ROBO1: variants seen among roughly 807,000 people sequenced by gnomAD.
The protein encoded by ROBO1 is roundabout homolog 1.
Under a neutral mutation model 195.9 loss-of-function variants are expected in ROBO1, and 149 were observed. The ratio of observed to expected loss-of-function variants is 0.76; its 90% CI spans 0.67 to 0.87. ROBO1 has a LOEUF of 0.87. Ranked by LOEUF, ROBO1 falls within the 40% of genes least tolerant of loss-of-function variation. The probability of loss-of-function intolerance (pLI) is 0.00; values close to 1 mark genes in which losing one functional copy is unlikely to be tolerated. For synonymous variants in ROBO1, 816 were observed against 733.2 expected, an observed-to-expected ratio of 1.11 and a Z score of -1.82; for missense variants, 1,933 against 2,068.3, an observed-to-expected ratio of 0.93 and a Z score of 1.27.
chr3:79,514,854 GA>G (rs1298069322), intron 2 of ROBO1, among the ~76,000 whole-genome samples: 6 of 152,058 alleles, frequency 3.9e-5, no homozygotes, highest in African/African-American at 7.2e-5. Flanking sequence ...GGAATCTAAG[GA>G]AACATGCTTT....
At chr3:78,844,631 T>A (rs192735107) in intron 4 of ROBO1, among the ~76,000 whole-genome samples, 190 of 152,204 alleles carry the variant, frequency 1.2e-3, no homozygotes, top group African/African-American at 4.3e-3. Flanking sequence ...TTCTCCCTGC[T>A]CTTTTACCTC....
At position 78,948,214 on chromosome 3, in the gene ROBO1, C is replaced by A. The variant is rs180752469; in HGVS notation, c.173-9287G>T. 3.1e-3 allele frequency among the ~76,000 whole-genome samples: 468 copies of A among 150,636 alleles called. 1 individual carries two copies. The highest frequency in any genetic ancestry group is 0.014 in the Middle Eastern group (4 of 292). The stretch of plus-strand genomic sequence containing the variant: ...CTGATACCAAAGCATGGCAGAGACA[C>A]AACCAATTTTAGACCAATATCTTTG... On this transcript the variant is annotated intron_variant, in intron 3 of 30. Coordinates refer to ENST00000464233, the MANE Select transcript of ROBO1 (RefSeq NM_002941.4).
intron 28 of ROBO1, among the ~76,000 whole-genome samples, chr3:78,610,801 A>G (rs1703765452): frequency 1.3e-5 from 2 of 152,196 alleles, no homozygotes; most frequent in Non-Finnish European, 1.5e-5. Context: ...CTAATTGACA[A>G]TTAGAGAGGG....
At chr3:78,678,862 G>C (rs2080808891) in intron 10 of ROBO1, among the ~76,000 whole-genome samples, 1 of 152,026 alleles carries the variant, frequency 6.6e-6, no homozygotes, top group South Asian at 2.1e-4. Context: ...GCCGGGCAGA[G>C]ACACAACCAA....
intron 2 of ROBO1, among the ~76,000 whole-genome samples, chr3:79,449,520 T>C (rs948912217): frequency 6.6e-6 from 1 of 152,180 alleles, no homozygotes; most frequent in Non-Finnish European, 1.5e-5. Context: ...GTGTACATTT[T>C]GAATATTCTC....
intron 2 of ROBO1, among the ~76,000 whole-genome samples, chr3:79,393,350 CA>C (rs1473409116): frequency 3.9e-5 from 6 of 152,150 alleles, no homozygotes; most frequent in African/African-American, 1.4e-4. Flanking sequence ...AATTTGAGCC[CA>C]AACTCTTCAC....
intron 2 of ROBO1, among the ~76,000 whole-genome samples, chr3:79,201,579 C>T (rs1410888504): frequency 6.6e-6 from 1 of 151,890 alleles, no homozygotes; most frequent in Non-Finnish European, 1.5e-5. Flanking sequence ...GCAGTATCTC[C>T]ACATTTGTTC....
At chr3:78,658,837 A>T (rs1246772398) in intron 17 of ROBO1, among the ~76,000 whole-genome samples, 1 of 152,304 alleles carries the variant, frequency 6.6e-6, no homozygotes, top group African/African-American at 2.4e-5. Flanking sequence ...TGATTTTTTT[A>T]AAAATCCCAT....
At chr3:79,184,361 C>G (rs1306179003) in intron 2 of ROBO1, among the ~76,000 whole-genome samples, 3 of 152,126 alleles carry the variant, frequency 2.0e-5, no homozygotes, top group Non-Finnish European at 4.4e-5. Flanking sequence ...GAGCTCTGCT[C>G]TCATTTAAGA....
At chr3:78,839,187 C>G (rs888176661) in intron 4 of ROBO1, among the ~76,000 whole-genome samples, 1 of 151,988 alleles carries the variant, frequency 6.6e-6, no homozygotes, top group Non-Finnish European at 1.5e-5. Context: ...GTCCAACATT[C>G]AAGACAAAAG....
At chr3:78,701,278 C>T (rs1241512746) in intron 8 of ROBO1, among the ~76,000 whole-genome samples, 1 of 152,106 alleles carries the variant, frequency 6.6e-6, no homozygotes, top group Non-Finnish European at 1.5e-5. Context: ...AATTACTCTG[C>T]TTGTATATGA....
At chr3:78,911,425 T>C (rs1475209385) in intron 4 of ROBO1, among the ~76,000 whole-genome samples, 3 of 152,050 alleles carry the variant, frequency 2.0e-5, no homozygotes, top group Non-Finnish European at 2.9e-5. Flanking sequence ...CTTGCAAACA[T>C]GGATTTCATG....
chr3:78,751,131 C>G (rs1317450385), intron 4 of ROBO1, among the ~76,000 whole-genome samples: 7 of 152,140 alleles, frequency 4.6e-5, no homozygotes, highest in African/African-American at 4.8e-5. Flanking sequence ...GAAATTTGAA[C>G]AACTCATTGT....
At chr3:79,078,229 T>C (rs1447955184) in intron 3 of ROBO1, among the ~76,000 whole-genome samples, 1 of 151,838 alleles carries the variant, frequency 6.6e-6, no homozygotes, top group Non-Finnish European at 1.5e-5. Context: ...CATTAATTTC[T>C]CAACTTAAAA....
intron 3 of ROBO1, among the ~76,000 whole-genome samples, chr3:79,030,878 C>A (rs1277928729): frequency 3.9e-5 from 6 of 152,088 alleles, no homozygotes; most frequent in Non-Finnish European, 7.4e-5. Context: ...CGCACTGCCA[C>A]ACCCAGCTAA....
intron 3 of ROBO1, among the ~76,000 whole-genome samples, chr3:79,049,581 C>A (rs1342765791): frequency 6.6e-6 from 1 of 152,008 alleles, no homozygotes; most frequent in Non-Finnish European, 1.5e-5. Flanking sequence ...AGAGCAACCC[C>A]AAGACACGTA....
chr3:79,239,218 G>T (rs2082468639), intron 2 of ROBO1, among the ~76,000 whole-genome samples: 1 of 152,132 alleles, frequency 6.6e-6, no homozygotes, highest in Non-Finnish European at 1.5e-5. Flanking sequence ...TCCAAAAAGT[G>T]CTATAAAGTG....
chr3:78,631,414 T>C, intron 24 of ROBO1, 109 bp from the exon 25 acceptor site: 2 of 1,225,446 alleles, frequency 1.6e-6, no homozygotes, highest in Non-Finnish European at 2.2e-6. Context: ...CATTTATATA[T>C]ACAGAGATAA....
intron 10 of ROBO1, among the ~76,000 whole-genome samples, chr3:78,679,892 G>T (rs561482673): frequency 9.2e-5 from 14 of 152,112 alleles, no homozygotes; most frequent in Admixed American, 3.9e-4. Flanking sequence ...TAAGCCAAAA[G>T]AACAAAGCTG....
Sources: gnomAD v4.1 joint callset for allele counts (sites outside exome capture counted in the v4.1 genomes callset) on GRCh38, gnomAD v4.1.1 for gene constraint, MANE v1.5 for transcripts, NCBI Gene and HGNC (gene_info 2026-07-23, HGNC 2026-07-21) for gene names.